IGSF3: variants seen among roughly 807,000 people sequenced by gnomAD.
The protein encoded by IGSF3 is glu-Trp-Ile EWI motif-containing protein 3.
In IGSF3, 23 loss-of-function variants were observed where a neutral mutation model predicts 114.4. The observed-to-expected ratio is 0.20, with a 90% confidence interval of 0.14 to 0.28. The LOEUF is 0.28. Among genes scored for constraint, IGSF3 ranks in the 10% least tolerant of loss-of-function variants. IGSF3 has a pLI of 1.00. For missense variants in IGSF3, 1,172 were observed against 1,591.5 expected (o/e 0.74, Z 4.48); for synonymous variants, 571 against 645.2 (o/e 0.88, Z 1.74).
Position 116,666,459 on chromosome 1 carries a change from AG to A in IGSF3, c.-134del. The A allele has an allele frequency of 1.2e-6, 1 of 828,574 alleles. No homozygotes were observed. Among genetic ancestry groups the A allele is most frequent in the Non-Finnish European group, 2.0e-6 (1 of 490,102 alleles). The allele number at this position is 828,574 out of a possible 1,614,324, so 51.3% of individuals were successfully genotyped here. Reference sequence around the variant, plus strand: ...AGAACTTAACTCGGAAAATGGGAACAGATTAAAAAGAAGAGATCAGAAGGAG... The same window carrying A: ...AGAACTTAACTCGGAAAATGGGAACAATTAAAAAGAAGAGATCAGAAGGAG... On this transcript the variant is annotated 5_prime_UTR_variant, in exon 2 of 11. Transcript: ENST00000369486.
Position 116,585,121 on chromosome 1 carries a change from GGTAGGT to G in IGSF3, c.2441-75_2441-70del. ...GCAATTCGTACGCACCCTTTCCCAGGGTAGGTGAATGGATGCCTTCCAAATACAGAA... is the reference window on the plus strand; with the variant it reads ...GCAATTCGTACGCACCCTTTCCCAGGGAATGGATGCCTTCCAAATACAGAA... On this transcript the variant is annotated intron_variant, in intron 8 of 10. Transcript: ENST00000369486. The surrounding 1 kb of genome is among the most constrained non-coding windows in gnomAD (Gnocchi z 4.9). 1.6e-6 allele frequency: 2 copies of G among 1,278,076 alleles called. No individual in the cohort carries two copies. The highest frequency in any genetic ancestry group is 2.1e-6 in the Non-Finnish European group (2 of 937,072). The allele number at this position is 1,278,076 out of a possible 1,614,324, so 79.2% of individuals were successfully genotyped here. A position where few individuals can be genotyped will look rare whatever the true frequency, so the allele number is the denominator to read the frequency against.
rs952879126 is a variant in IGSF3, at chr1:116,577,045, G to A, written c.*267C>T. 2.3e-6 allele frequency: 1 copy of A among 432,450 alleles called. No individual in the cohort carries two copies. Among genetic ancestry groups the A allele is most frequent in the Admixed American group, 3.9e-5 (1 of 25,358 alleles). The allele number at this position is 432,450 out of a possible 1,614,324, so 26.8% of individuals were successfully genotyped here. A position where few individuals can be genotyped will look rare whatever the true frequency, so the allele number is the denominator to read the frequency against. On this transcript the variant is annotated 3_prime_UTR_variant, in exon 11 of 11. Coordinates refer to ENST00000369486, the MANE Select transcript of IGSF3 (RefSeq NM_001007237.3). The surrounding 1 kb of genome is among the most constrained non-coding windows in gnomAD (Gnocchi z 5.7). ...AAATCTGTGAGTAGATGTGGCACCT[G>A]GAGCTACTCACTACATTACTAAAAA...
chr1:116,656,007 G>T (rs1328663913), intron 2 of IGSF3, among the ~76,000 whole-genome samples: 1 of 152,046 alleles, frequency 6.6e-6, no homozygotes, highest in Non-Finnish European at 1.5e-5. Flanking sequence ...ACTCCCCAAT[G>T]ATTTCACAAA....
chr1:116,584,336 AT>A lies in IGSF3; in HGVS notation c.2848+308del, dbSNP rs1196974862. 2.0e-5 allele frequency among the ~76,000 whole-genome samples: 3 copies of A among 152,136 alleles called. No homozygotes were observed. The highest frequency in any genetic ancestry group is 4.8e-5 in the African/African-American group (2 of 41,428). ...TCAACAACATGGTTATTGTTTCAAG[AT>A]TTTTGTCATATCTGCCCTTTGTTCC... On this transcript the variant is annotated intron_variant, in intron 9 of 10. Coordinates refer to ENST00000369486, the MANE Select transcript of IGSF3 (RefSeq NM_001007237.3). The surrounding 1 kb of genome is among the most constrained non-coding windows in gnomAD (Gnocchi z 5.8).
chr1:116,656,851 C>G (rs1168785774), intron 2 of IGSF3, among the ~76,000 whole-genome samples: 1 of 151,994 alleles, frequency 6.6e-6, no homozygotes, highest in Non-Finnish European at 1.5e-5. Flanking sequence ...TCACTCAAAC[C>G]CGGGAGGCGG....
In IGSF3 at chr1:116,585,036, G is replaced by A. The variant is rs745332792; in HGVS notation, c.2457C>T (p.Leu819=). Residue 819 remains leucine (L), a synonymous_variant, in exon 9 of 11, where the codon CTC becomes CTT. Coordinates refer to ENST00000369486, the MANE Select transcript of IGSF3 (RefSeq NM_001007237.3). This position sits in a 1 kb window ranked among gnomAD's most constrained non-coding sequence, Gnocchi z 4.9. ...CCGACAGGTTCCCCTGGGCTTGGCTGAGCCTCAGGCGGCTGTCTGGAACAG... is the reference window on the plus strand; with the variant it reads ...CCGACAGGTTCCCCTGGGCTTGGCTAAGCCTCAGGCGGCTGTCTGGAACAG... ...TVKQPDSRLR[L]SQAQGNLSVL... The A allele has an allele frequency of 3.2e-6, 5 of 1,541,760 alleles. No individual in the cohort carries two copies. The highest frequency in any genetic ancestry group is 3.5e-6 in the Non-Finnish European group (4 of 1,140,790).
At position 116,615,286 on chromosome 1, in the gene IGSF3, T is replaced by TACACAC. The variant is rs149128129; in HGVS notation, c.421+788_421+793dup. On this transcript the variant is annotated intron_variant, in intron 3 of 10. Transcript: ENST00000369486. This position sits in a 1 kb window ranked among gnomAD's most constrained non-coding sequence, Gnocchi z 4.3. ...CGAAGCTCCATCACACATACACACA[T>TACACAC]ACACACACACACACACACACGAAAA... 2.1e-5 allele frequency among the ~76,000 whole-genome samples: 3 copies of TACACAC among 142,778 alleles called. No individual in the cohort carries two copies. Among genetic ancestry groups the TACACAC allele is most frequent in the African/African-American group, 7.8e-5 (3 of 38,676 alleles). 93.7% of individuals were successfully genotyped at this position (142,778 alleles called of 152,430 possible).
In IGSF3 at chr1:116,633,115, T is replaced by A. The variant is rs1647668708; in HGVS notation, c.44-16658A>T. On this transcript the variant is annotated intron_variant, in intron 2 of 10. Coordinates refer to ENST00000369486, the MANE Select transcript of IGSF3 (RefSeq NM_001007237.3). The surrounding 1 kb of genome is among the most constrained non-coding windows in gnomAD (Gnocchi z 4.3). ...AGCTGTATTTGGGCTTTATGCAGAG[T>A]TCAGCTGCCATCTGTCCCTTTGAAG... Among the ~76,000 whole-genome samples, 1 of 152,208 alleles carries A rather than the reference T, an allele frequency of 6.6e-6. No individual in the cohort carries two copies. The highest frequency in any genetic ancestry group is 2.4e-5 in the African/African-American group (1 of 41,448).
In IGSF3 at chr1:116,616,252, G is replaced by A. The variant is rs1557873152; in HGVS notation, c.249C>T (p.Ile83=). Residue 83 remains isoleucine, a synonymous_variant, in exon 3 of 11, where the codon ATC becomes ATT. Transcript: ENST00000369486. This position sits in a 1 kb window ranked among gnomAD's most constrained non-coding sequence, Gnocchi z 6.6. ...TCCCTCCGCGGACGCGCTGGGTGTA[G>A]ATGGCATAGGGGAAGGAAGAGTCCA... The part of the protein sequence containing the change: ...STMDSSFPYA[I]YTQRVRGGKI... 1 of 1,612,486 alleles carries A rather than the reference G, an allele frequency of 6.2e-7. No individual in the cohort carries two copies. The highest frequency in any genetic ancestry group is 2.2e-5 in the East Asian group (1 of 44,884).
Position 116,634,839 on chromosome 1 carries a change from C to A in IGSF3, c.44-18382G>T, listed in dbSNP as rs556704461. On this transcript the variant is annotated intron_variant, in intron 2 of 10. Coordinates refer to ENST00000369486, the MANE Select transcript of IGSF3 (RefSeq NM_001007237.3). This position sits in a 1 kb window ranked among gnomAD's most constrained non-coding sequence, Gnocchi z 4.2. ...CTTCTGCCAGCTCTCCTGGGACACA[C>A]ATTTGGAGCCTGAGTTGCGGTGTAA... 2.6e-5 allele frequency among the ~76,000 whole-genome samples: 4 copies of A among 152,112 alleles called. No individual in the cohort carries two copies. The highest frequency in any genetic ancestry group is 6.5e-5 in the Admixed American group (1 of 15,270).
Position 116,627,425 on chromosome 1 carries a change from G to A in IGSF3, c.44-10968C>T, listed in dbSNP as rs1026245573. 1.3e-5 allele frequency among the ~76,000 whole-genome samples: 2 copies of A among 152,066 alleles called. No homozygotes were observed. Among genetic ancestry groups the A allele is most frequent in the African/African-American group, 4.8e-5 (2 of 41,394 alleles). ...ATTTCAAACAGTCCCTCTACTGGCC[G>A]CCACCACCACCCTCTCCTAAAGAGG... On this transcript the variant is annotated intron_variant, in intron 2 of 10. Coordinates refer to ENST00000369486, the MANE Select transcript of IGSF3 (RefSeq NM_001007237.3). The surrounding 1 kb of genome is among the most constrained non-coding windows in gnomAD (Gnocchi z 4.7).
chr1:116,600,652 T>C lies in IGSF3; in HGVS notation c.1625-307A>G, dbSNP rs1235708295. ...ACATCACAATCCTCTCAGGGACTGA[T>C]TGCATGTAGGCAGGGTTGCTCCTAG... On this transcript the variant is annotated intron_variant, in intron 6 of 10. Coordinates refer to ENST00000369486, the MANE Select transcript of IGSF3 (RefSeq NM_001007237.3). The surrounding 1 kb of genome is among the most constrained non-coding windows in gnomAD (Gnocchi z 5.5). Among the ~76,000 whole-genome samples, 13 of 152,288 alleles carry C rather than the reference T, an allele frequency of 8.5e-5. No individual in the cohort carries two copies. The South Asian group carries it at 2.3e-3, about 27-fold the overall frequency.
chr1:116,653,615 G>A (rs1415355766), intron 2 of IGSF3, among the ~76,000 whole-genome samples: 1 of 152,118 alleles, frequency 6.6e-6, no homozygotes, highest in Admixed American at 6.5e-5. Flanking sequence ...CTCCTGTTAG[G>A]GGCATTTTCC....
Position 116,653,352 on chromosome 1 carries a change from A to T in IGSF3, c.43+12932T>A, listed in dbSNP as rs181550088. 1.3e-4 allele frequency among the ~76,000 whole-genome samples: 20 copies of T among 152,342 alleles called. No homozygotes were observed. The East Asian group carries it at 3.9e-3, about 29-fold the overall frequency. ...CAGAGGTGTTGAATAAATGATGACAAGGAGGCACATATAGTTCTGATATAT... is the reference window on the plus strand; with the variant it reads ...CAGAGGTGTTGAATAAATGATGACATGGAGGCACATATAGTTCTGATATAT... On this transcript the variant is annotated intron_variant, in intron 2 of 10. Coordinates refer to ENST00000369486, the MANE Select transcript of IGSF3 (RefSeq NM_001007237.3).
intron 2 of IGSF3, among the ~76,000 whole-genome samples, chr1:116,656,784 C>T (rs1437399782): frequency 2.0e-5 from 3 of 152,040 alleles, no homozygotes; most frequent in East Asian, 3.9e-4. Flanking sequence ...AAAAATTAGC[C>T]GGGCGTGGTG....
chr1:116,603,853 C>G lies in IGSF3; in HGVS notation c.1395G>C (p.Arg465=). Residue 465 remains arginine, a synonymous_variant, in exon 6 of 11, where the codon CGG becomes CGC. Coordinates refer to ENST00000369486, the MANE Select transcript of IGSF3 (RefSeq NM_001007237.3). This position sits in a 1 kb window ranked among gnomAD's most constrained non-coding sequence, Gnocchi z 7.1. ...NRRSNIMWLD[R]DGTVQPGSSY... ...ACGAGCCTGGCTGCACGGTGCCATCCCGGTCTAGCCACATGATATTGCTGC... is the reference window on the plus strand; with the variant it reads ...ACGAGCCTGGCTGCACGGTGCCATCGCGGTCTAGCCACATGATATTGCTGC... 6.2e-7 allele frequency: 1 copy of G among 1,614,024 alleles called. No homozygotes were observed. The highest frequency in any genetic ancestry group is 8.5e-7 in the Non-Finnish European group (1 of 1,179,902).
chr1:116,577,627 T>C lies in IGSF3; in HGVS notation c.3335-65A>G. 1 of 1,537,628 alleles carries C rather than the reference T, an allele frequency of 6.5e-7. No individual in the cohort carries two copies. The highest frequency in any genetic ancestry group is 1.7e-5 in the Admixed American group (1 of 58,202). On this transcript the variant is annotated intron_variant, in intron 10 of 10. Transcript: ENST00000369486. The surrounding 1 kb of genome is among the most constrained non-coding windows in gnomAD (Gnocchi z 5.7). Reference sequence around the variant, plus strand: ...AGAACCTGGACTGCTCACATTTCCTTTTGAAGACCTCACCTGACCCAGTGG... The same window carrying C: ...AGAACCTGGACTGCTCACATTTCCTCTTGAAGACCTCACCTGACCCAGTGG...
At chr1:116,620,479 C>G (rs1661382409) in intron 2 of IGSF3, among the ~76,000 whole-genome samples, 1 of 152,144 alleles carries the variant, frequency 6.6e-6, no homozygotes, top group African/African-American at 2.4e-5. Flanking sequence ...CAGCACTACT[C>G]CCCTCTCAGA....
At position 116,667,722 on chromosome 1, in the gene IGSF3, A is replaced by G. The variant is rs1203788848; in HGVS notation, c.-735T>C. 3.3e-5 allele frequency: 5 copies of G among 151,420 alleles called. No homozygotes were observed. Among genetic ancestry groups the G allele is most frequent in the Non-Finnish European group, 5.9e-5 (4 of 67,818 alleles). 9.4% of individuals were successfully genotyped at this position (151,420 alleles called of 1,614,324 possible). On this transcript the variant is annotated 5_prime_UTR_variant, in exon 1 of 11. Transcript: ENST00000369486. ...CTTCCTCTTCTCCCGCAACGGCACC[A>G]GCAGCCGCGCTGCGGCCCCTCCCGA...
Sources: allele counts gnomAD v4.1 joint callset (sites outside exome capture counted in the v4.1 genomes callset), GRCh38; gene constraint gnomAD v4.1.1; non-coding constraint Gnocchi (gnomAD v3.1); transcripts MANE v1.5; gene names NCBI Gene and HGNC (gene_info 2026-07-23, HGNC 2026-07-21).